The following SEC24B variants were observed in gnomAD, a reference collection of about 807,000 sequenced individuals.
SEC24B encodes the protein SEC24 homolog B, COPII component, also known as protein transport protein Sec24B.
In SEC24B, 45 loss-of-function variants were observed where a neutral mutation model predicts 142.8. The observed-to-expected ratio is 0.32, with a 90% confidence interval of 0.25 to 0.40. The LOEUF is 0.40. Ranked by LOEUF, SEC24B falls within the 10% of genes least tolerant of loss-of-function variation. The pLI, the probability that SEC24B is intolerant of heterozygous loss-of-function variation, is 1.00. For missense variants in SEC24B, 1,409 were observed against 1,526.8 expected (o/e 0.92, Z 1.29); for synonymous variants, 574 against 568.2 (o/e 1.01, Z -0.15).
At chr4:109,539,442 CTTTTA>C (rs1406107033) in intron 23 of SEC24B, 114 bp from the exon 24 acceptor site, 2 of 673,442 alleles carry the variant, frequency 3.0e-6, no homozygotes, top group Non-Finnish European at 5.2e-6. Context: ...GAAATATGCA[CTTTTA>C]TTTTATTTGT....
intron 22 of SEC24B, among the ~76,000 whole-genome samples, chr4:109,536,972 A>G (rs566321644): frequency 6.6e-6 from 1 of 152,302 alleles, no homozygotes; most frequent in East Asian, 1.9e-4. Context: ...AATACAAACA[A>G]TAAAATCTTA....
chr4:109,535,851 C>CAAAA (rs70954160), intron 22 of SEC24B, among the ~76,000 whole-genome samples: 1 of 150,198 alleles, frequency 6.7e-6, no homozygotes, highest in African/African-American at 2.5e-5. Flanking sequence ...GACTCCGTCT[C>CAAAA]AAAAAAAAAG....
chr4:109,473,210 A>T (rs759754348), intron 3 of SEC24B, 24 bp downstream of exon 3: 1 of 1,457,520 alleles, frequency 6.9e-7, no homozygotes, highest in Non-Finnish European at 9.2e-7. Context: ...TTATTATTGT[A>T]TATGCACACA....
chr4:109,467,629 C>T (rs1408205789), intron 2 of SEC24B, among the ~76,000 whole-genome samples: 1 of 152,088 alleles, frequency 6.6e-6, no homozygotes, highest in Non-Finnish European at 1.5e-5. Flanking sequence ...ACTGTAGATT[C>T]ATTTAAAATA....
At chr4:109,494,933 C>A in intron 6 of SEC24B, 77 bp downstream of exon 6, 2 of 1,550,922 alleles carry the variant, frequency 1.3e-6, no homozygotes, top group Non-Finnish European at 1.8e-6. Flanking sequence ...GGATTTGTAC[C>A]TGTGATCCAA....
intron 2 of SEC24B, among the ~76,000 whole-genome samples, chr4:109,466,472 GC>G (rs1264722778): frequency 6.6e-6 from 1 of 152,182 alleles, no homozygotes; most frequent in African/African-American, 2.4e-5. Flanking sequence ...GTGCAGTGGC[GC>G]CATCTCAGCT....
intron 7 of SEC24B, among the ~76,000 whole-genome samples, chr4:109,509,678 GAAAAAAAAAAAAA>G (rs1020221678): frequency 2.2e-5 from 1 of 46,388 alleles, no homozygotes; most frequent in African/African-American, 5.2e-5. Context: ...CTCCATCTCA[GAAAAAAAAAAAAA>G]AAAAAAAAAA....
chr4:109,509,264 T>C (rs1737048209), intron 7 of SEC24B, among the ~76,000 whole-genome samples: 1 of 152,168 alleles, frequency 6.6e-6, no homozygotes, highest in Admixed American at 6.5e-5. Context: ...TAAATAGATA[T>C]CTCTACATGA....
At chr4:109,521,834 C>G (rs966534501) in intron 14 of SEC24B, among the ~76,000 whole-genome samples, 3 of 151,888 alleles carry the variant, frequency 2.0e-5, no homozygotes, top group Non-Finnish European at 4.4e-5. Flanking sequence ...CAGGTTCAAG[C>G]GATTCTCCTG....
intron 17 of SEC24B, 89 bp from the exon 18 acceptor site, chr4:109,527,230 AAAG>A (rs1462630881): frequency 1.8e-4 from 163 of 927,502 alleles, no homozygotes; most frequent in Non-Finnish European, 2.3e-4. Flanking sequence ...AAAAAAAAAA[AAAG>A]AAAGAAAGAA....
chr4:109,536,251 A>T lies in SEC24B; in HGVS notation c.3589-2242A>T, dbSNP rs114242044. ...AAGCTGTAGTTATTTAAGTACCATG[A>T]TACTGGCACAGTAAACAGATCAGTG... On this transcript the variant is annotated intron_variant, in intron 22 of 23. Coordinates refer to ENST00000265175, the MANE Select transcript of SEC24B (RefSeq NM_006323.5). Among the ~76,000 whole-genome samples, 992 of 152,328 alleles carry T rather than the reference A, an allele frequency of 6.5e-3. 13 individuals are homozygous for T. Among genetic ancestry groups the T allele is most frequent in the African/African-American group, 0.023 (942 of 41,568 alleles).
At chr4:109,521,074 CT>C in intron 12 of SEC24B, 42 bp from the exon 13 acceptor site, 1 of 1,222,368 alleles carries the variant, frequency 8.2e-7, no homozygotes, top group Non-Finnish European at 1.2e-6. Flanking sequence ...CTAATGTATT[CT>C]TTTGTTCGAT....
chr4:109,462,122 G>A (rs540792903), intron 1 of SEC24B, among the ~76,000 whole-genome samples: 19 of 152,240 alleles, frequency 1.2e-4, no homozygotes, highest in Middle Eastern at 6.8e-3. Flanking sequence ...CTTGAGCCCA[G>A]GAGAACAAGG....
At chr4:109,491,496 G>A (rs1445983144) in intron 5 of SEC24B, 89 bp downstream of exon 5, 6 of 926,870 alleles carry the variant, frequency 6.5e-6, no homozygotes, top group South Asian at 1.6e-5. Flanking sequence ...ACACATAATA[G>A]CAGGCTATAT....
chr4:109,483,845 AC>A (rs1379058198), intron 4 of SEC24B, among the ~76,000 whole-genome samples: 1 of 152,120 alleles, frequency 6.6e-6, no homozygotes, highest in African/African-American at 2.4e-5. Flanking sequence ...GTTAAAAGAA[AC>A]CCGCATGTAC....
chr4:109,519,281 AG>A (rs1723341990), intron 11 of SEC24B, among the ~76,000 whole-genome samples: 1 of 152,214 alleles, frequency 6.6e-6, no homozygotes, highest in Non-Finnish European at 1.5e-5. Context: ...AGCCACACTG[AG>A]AGAGATGATT....
intron 2 of SEC24B, among the ~76,000 whole-genome samples, chr4:109,471,092 T>A (rs1045732477): frequency 8.1e-6 from 1 of 123,278 alleles, no homozygotes; most frequent in Non-Finnish European, 1.5e-5. Context: ...TATATACACA[T>A]ACATACATGT....
At chr4:109,469,135 G>C (rs894862649) in intron 2 of SEC24B, among the ~76,000 whole-genome samples, 1 of 152,102 alleles carries the variant, frequency 6.6e-6, no homozygotes, top group Non-Finnish European at 1.5e-5. Flanking sequence ...CAAAAAAAAA[G>C]AAAATATTTA....
chr4:109,443,691 C>A (rs1402119294), intron 1 of SEC24B, among the ~76,000 whole-genome samples: 1 of 152,174 alleles, frequency 6.6e-6, no homozygotes, highest in Non-Finnish European at 1.5e-5. Flanking sequence ...GGACTGTCAG[C>A]ACTGAACATG....
Sources: gnomAD v4.1 joint callset for allele counts (sites outside exome capture counted in the v4.1 genomes callset) on GRCh38, gnomAD v4.1.1 for gene constraint, MANE v1.5 for transcripts, NCBI Gene and HGNC (gene_info 2026-07-23, HGNC 2026-07-21) for gene names.